EP400: variants seen among roughly 807,000 people sequenced by gnomAD.
EP400 encodes E1A binding protein p400, also known as E1A-binding protein p400.
A neutral mutation model predicts 354.1 loss-of-function variants in EP400; 105 were observed. The ratio of observed to expected loss-of-function variants is 0.30; its 90% confidence interval spans 0.25 to 0.35. The LOEUF (loss-of-function observed/expected upper bound fraction) is 0.35, where lower values mean the gene tolerates loss of function less well. Among genes scored for constraint, EP400 ranks in the 10% least tolerant of loss-of-function variants. EP400 has a pLI of 1.00. For missense variants in EP400, 3,280 were observed against 4,121.0 expected, an observed-to-expected ratio of 0.80 and a Z score of 5.59; for synonymous variants, 1,646 against 1,716.9, an observed-to-expected ratio of 0.96 and a Z score of 1.02.
intron 1 of EP400, among the ~76,000 whole-genome samples, chr12:131,952,225 C>T (rs1032265133): frequency 1.4e-5 from 2 of 147,040 alleles, no homozygotes; most frequent in Non-Finnish European, 3.0e-5. Flanking sequence ...ATGGGGTGAA[C>T]CTGGGAGGCG....
intron 34 of EP400, 94 bp downstream of exon 34, chr12:132,043,822 T>C (rs1247593645): frequency 1.1e-5 from 13 of 1,172,566 alleles, no homozygotes; most frequent in Non-Finnish European, 1.6e-5. Context: ...TAAATTAAAG[T>C]CACAAAAGCC....
chr12:131,984,079 T>C (rs1013190474), intron 5 of EP400, among the ~76,000 whole-genome samples: 1 of 152,150 alleles, frequency 6.6e-6, no homozygotes, highest in Non-Finnish European at 1.5e-5. Flanking sequence ...TTTGTGTTTT[T>C]AGTAAAGACG....
intron 1 of EP400, among the ~76,000 whole-genome samples, chr12:131,950,537 C>T (rs984791108): frequency 3.9e-5 from 6 of 152,104 alleles, no homozygotes; most frequent in African/African-American, 9.7e-5. Context: ...ACTTAAGGAC[C>T]CCGCGTCCCG....
intron 12 of EP400, among the ~76,000 whole-genome samples, chr12:131,999,087 GCA>G (rs1252446259): frequency 6.6e-6 from 1 of 151,814 alleles, no homozygotes; most frequent in East Asian, 2.0e-4. Flanking sequence ...TTGAAAGAGA[GCA>G]CTTTCAGTAG....
chr12:132,027,471 G>C lies in EP400; in HGVS notation c.5049G>C (p.Leu1683Phe). ...GVPGRVAVNA[L>F]AVGEPGTASK... ...CGGGCCGCGTGGCGGTGAATGCCTT[G>C]GCTGTAGGAGAACCCGGAACGGCCT... Residue 1683 changes from leucine (L) to phenylalanine (F), a missense_variant, in exon 26 of 53, where the codon TTG (leucine) becomes TTC (phenylalanine). Around this residue, in one of 20 missense-constraint regions of EP400, gnomAD observed 459 missense variants for 496.9 expected, o/e 0.92. Coordinates refer to ENST00000389561, the MANE Select transcript of EP400 (RefSeq NM_015409.5). The surrounding 1 kb of genome is among the most constrained non-coding windows in gnomAD (Gnocchi z 4.9). 1 of 1,614,076 alleles carries C rather than the reference G, an allele frequency of 6.2e-7. No individual in the cohort carries two copies. Among genetic ancestry groups the C allele is most frequent in the Non-Finnish European group, 8.5e-7 (1 of 1,180,022 alleles).
chr12:132,024,710 C>T (rs1334236806), intron 24 of EP400, among the ~76,000 whole-genome samples: 1 of 150,872 alleles, frequency 6.6e-6, no homozygotes, highest in Admixed American at 6.6e-5. Context: ...CGACAGCAGC[C>T]TCAGCGGCTA....
intron 2 of EP400, among the ~76,000 whole-genome samples, chr12:131,967,919 C>T (rs956863098): frequency 1.3e-5 from 2 of 152,134 alleles, no homozygotes; most frequent in African/African-American, 2.4e-5. Context: ...GTTCGTATAT[C>T]TTTGACAAAG....
chr12:132,055,381 G>A (rs1895451813), intron 45 of EP400, among the ~76,000 whole-genome samples, 173 bp downstream of exon 45: 1 of 152,198 alleles, frequency 6.6e-6, no homozygotes, highest in Non-Finnish European at 1.5e-5. Flanking sequence ...ACATTCAGCT[G>A]TTTAGGGGAT....
In EP400 at chr12:132,050,327, A is replaced by G; in HGVS notation, c.7205A>G (p.Lys2402Arg). 3 of 1,614,098 alleles carry G rather than the reference A, an allele frequency of 1.9e-6. No homozygotes were observed. Among genetic ancestry groups the G allele is most frequent in the South Asian group, 1.1e-5 (1 of 91,066 alleles). ...VIIPREEGKSKNNRPLRTSQI... is the reference protein window; with the variant it reads ...VIIPREEGKSRNNRPLRTSQI... ...CTCTCGTCAATTTCATTGCAGAGTA[A>G]AAACAACCGTCCTCTCCGTACGAGC... Residue 2402 changes from lysine to arginine, a missense_variant, in exon 40 of 53, where the codon AAA (lysine) becomes AGA (arginine). Lys to Arg is a conservative substitution (Grantham distance 26). Around this residue, in one of 20 missense-constraint regions of EP400, gnomAD observed 84 missense variants for 133.0 expected, o/e 0.63. Coordinates refer to ENST00000389561, the MANE Select transcript of EP400 (RefSeq NM_015409.5). This position sits in a 1 kb window ranked among gnomAD's most constrained non-coding sequence, Gnocchi z 4.8.
intron 11 of EP400, 110 bp downstream of exon 11, chr12:131,992,340 C>G (rs760223380): frequency 1.5e-4 from 152 of 1,001,834 alleles, no homozygotes; most frequent in Non-Finnish European, 2.1e-4. Flanking sequence ...GGTTGGAAAG[C>G]TCAACCTTTG....
intron 41 of EP400, among the ~76,000 whole-genome samples, chr12:132,051,755 CTA>C (rs1895298138): frequency 2.0e-5 from 3 of 152,020 alleles, no homozygotes; most frequent in Admixed American, 2.0e-4. Context: ...GCGGGCCTGA[CTA>C]ATGTCAGGCC....
chr12:132,054,492 G>A lies in EP400; in HGVS notation c.7729-482G>A, dbSNP rs1421811817. Among the ~76,000 whole-genome samples the A allele has an allele frequency of 6.6e-6, 1 of 152,200 alleles. No individual in the cohort carries two copies. The highest frequency in any genetic ancestry group is 1.5e-5 in the Non-Finnish European group (1 of 68,036). ...TTTTAAATGCTGGCGGGAGGAGTCA[G>A]GGTGGCACAATGCAGGACTGGCTTG... On this transcript the variant is annotated intron_variant, in intron 43 of 52. Coordinates refer to ENST00000389561, the MANE Select transcript of EP400 (RefSeq NM_015409.5). The surrounding 1 kb of genome is among the most constrained non-coding windows in gnomAD (Gnocchi z 4.0).
Position 131,971,036 on chromosome 12 carries a change from A to C in EP400, c.1336-8658A>C, listed in dbSNP as rs534298939. Among the ~76,000 whole-genome samples, 7 of 152,280 alleles carry C rather than the reference A, an allele frequency of 4.6e-5. No homozygotes were observed. The South Asian group carries it at 1.5e-3, about 32-fold the overall frequency. The stretch of plus-strand genomic sequence containing the variant: ...CTGCACAACATAGGACAGCATCTCT[A>C]CAAAAAAATTAAAAAATTAGCCAGG... On this transcript the variant is annotated intron_variant, in intron 2 of 52. Transcript: ENST00000389561.
intron 15 of EP400, 53 bp from the exon 16 acceptor site, chr12:132,011,445 G>A (rs775375841): frequency 6.2e-7 from 1 of 1,605,234 alleles, no homozygotes; most frequent in Middle Eastern, 1.7e-4. Flanking sequence ...AGTGCTAGGT[G>A]CCTGGACATG....
chr12:131,951,436 G>A (rs1024355878), intron 1 of EP400, among the ~76,000 whole-genome samples: 1 of 151,824 alleles, frequency 6.6e-6, no homozygotes, highest in African/African-American at 2.4e-5. Context: ...TACCGCCTTG[G>A]CCTCCTAGTG....
intron 3 of EP400, among the ~76,000 whole-genome samples, chr12:131,981,233 G>A (rs1361959826): frequency 6.6e-6 from 1 of 152,124 alleles, no homozygotes; most frequent in African/African-American, 2.4e-5. Context: ...GCCCACCTCT[G>A]CCCGTCACAC....
At chr12:131,977,568 T>G (rs1490188981) in intron 2 of EP400, among the ~76,000 whole-genome samples, 6 of 152,048 alleles carry the variant, frequency 3.9e-5, no homozygotes, top group Non-Finnish European at 8.8e-5. Flanking sequence ...ATGTTCATTA[T>G]AGAACATTTG....
At chr12:132,056,514 C>T (rs143141056) in intron 45 of EP400, among the ~76,000 whole-genome samples, 127 of 152,222 alleles carry the variant, frequency 8.3e-4, no homozygotes, top group African/African-American at 2.8e-3. Context: ...TGTCAGCAAA[C>T]GGTGCTGTAA....
rs115550354 is a variant in EP400, at chr12:132,029,261, C to T, written c.5382-440C>T. On this transcript the variant is annotated intron_variant, in intron 27 of 52. Coordinates refer to ENST00000389561, the MANE Select transcript of EP400 (RefSeq NM_015409.5). The surrounding 1 kb of genome is among the most constrained non-coding windows in gnomAD (Gnocchi z 4.7). Reference sequence around the variant, plus strand: ...GGCCTTAGGTTGGCTGTGCGATCTTCGCTCTATTGTCATTGTCCTGAAGGC... The same window carrying T: ...GGCCTTAGGTTGGCTGTGCGATCTTTGCTCTATTGTCATTGTCCTGAAGGC... 0.015 allele frequency: 2,688 copies of T among 173,906 alleles called. 68 individuals carry two copies. The highest frequency in any genetic ancestry group is 0.06 in the African/African-American group (2,530 of 42,198). The allele number at this position is 173,906 out of a possible 1,614,324, so 10.8% of individuals were successfully genotyped here. A position where few individuals can be genotyped will look rare whatever the true frequency, so the allele number is the denominator to read the frequency against.
Sources: gnomAD v4.1 joint callset for allele counts (sites outside exome capture counted in the v4.1 genomes callset) on GRCh38, gnomAD v4.1.1 for gene constraint, gnomAD v4.1.1 regional missense constraint, Gnocchi (gnomAD v3.1) non-coding constraint, MANE v1.5 for transcripts, NCBI Gene and HGNC (gene_info 2026-07-23, HGNC 2026-07-21) for gene names.